Variants in TENM4 observed in about 807,000 individuals in gnomAD.
TENM4 encodes the protein teneurin transmembrane protein 4.
In TENM4, 82 loss-of-function variants were observed where a neutral mutation model predicts 243.3. The ratio of observed to expected loss-of-function variants is 0.34; its 90% CI spans 0.28 to 0.40. The LOEUF is 0.40. Among genes scored for constraint, TENM4 ranks in the 10% least tolerant of loss-of-function variants. The probability of loss-of-function intolerance (pLI) is 1.00; values close to 1 mark genes in which losing one functional copy is unlikely to be tolerated. For missense variants in TENM4, 3,138 were observed against 3,673.3 expected (o/e 0.85, Z 3.77); for synonymous variants, 1,412 against 1,456.3 (o/e 0.97, Z 0.69).
chr11:78,890,057 G>T (rs1207692961), intron 8 of TENM4, 37 bp from the exon 9 acceptor site: 1 of 1,489,436 alleles, frequency 6.7e-7, no homozygotes, highest in South Asian at 1.3e-5. Context: ...GTCAGGGGCT[G>T]CCCACAGACC....
chr11:79,068,141 C>T (rs1367988135), intron 5 of TENM4: 1 of 152,188 alleles, frequency 6.6e-6, no homozygotes, highest in Non-Finnish European at 1.5e-5. Context: ...TTTCAGAGAC[C>T]ATTTTGTCTC....
chr11:78,685,830 T>G (rs1232057541), intron 29 of TENM4, among the ~76,000 whole-genome samples: 1 of 152,228 alleles, frequency 6.6e-6, no homozygotes, highest in Non-Finnish European at 1.5e-5. Flanking sequence ...GTACCTTCTC[T>G]TGGCAATAAT....
intron 6 of TENM4, 47 bp from the exon 7 acceptor site, chr11:78,903,570 C>T: frequency 6.5e-7 from 1 of 1,538,796 alleles, no homozygotes; most frequent in Non-Finnish European, 8.7e-7. Context: ...TGGTGCTGCC[C>T]CTCGGCTGGA....
rs908027708 is a variant in TENM4 at position 78,670,261 on chromosome 11, G to C, written c.6084C>G (p.Thr2028=). 1.2e-6 allele frequency: 2 copies of C among 1,613,820 alleles called. No individual in the cohort carries two copies. The highest frequency in any genetic ancestry group is 1.7e-6 in the Non-Finnish European group (2 of 1,179,896). The change falls in exon 32 of 34, where the codon ACC becomes ACG. Residue 2028 remains threonine (T), a synonymous_variant. Coordinates refer to ENST00000278550, the MANE Select transcript of TENM4 (RefSeq NM_001098816.3). ...SKLAETLYDT[T]KVSFTYDETA... ...TCTCGTCATAGGTGAAACTGACCTT[G>C]GTGGTGTCATAGAGCGTCTCTGCCA...
chr11:79,180,233 G>A (rs772038499), intron 3 of TENM4, among the ~76,000 whole-genome samples: 2 of 151,548 alleles, frequency 1.3e-5, no homozygotes, highest in South Asian at 2.1e-4. Flanking sequence ...AACCTCCCCC[G>A]TATTTATGAT....
intron 17 of TENM4, among the ~76,000 whole-genome samples, chr11:78,774,375 C>T (rs907768806): frequency 1.3e-5 from 2 of 152,166 alleles, no homozygotes; most frequent in Non-Finnish European, 2.9e-5. Flanking sequence ...TCAAGACAAA[C>T]ACTGGGCTTG....
intron 6 of TENM4, among the ~76,000 whole-genome samples, chr11:79,013,383 C>G (rs1372737583): frequency 6.6e-6 from 1 of 152,214 alleles, no homozygotes; most frequent in African/African-American, 2.4e-5. Flanking sequence ...AGAATTAATC[C>G]CCTTAAGTCT....
At chr11:78,891,132 G>C (rs972194989) in intron 8 of TENM4, 106 bp downstream of exon 8, 3 of 1,016,662 alleles carry the variant, frequency 3.0e-6, no homozygotes, top group Non-Finnish European at 4.4e-6. Flanking sequence ...ATGCCACATG[G>C]ATCACCTCCC....
intron 4 of TENM4, among the ~76,000 whole-genome samples, chr11:79,139,872 G>C (rs1020190540): frequency 5.8e-5 from 8 of 138,520 alleles, no homozygotes; most frequent in African/African-American, 2.2e-4. Context: ...CATTAGTTCT[G>C]TCCCTCTAGA....
At chr11:78,973,365 C>A (rs1475312067) in intron 6 of TENM4, among the ~76,000 whole-genome samples, 2 of 152,212 alleles carry the variant, frequency 1.3e-5, no homozygotes, top group African/African-American at 4.8e-5. Context: ...TTATTCCAGC[C>A]ACTATAGTGG....
chr11:79,322,477 T>C (rs551389650), intron 1 of TENM4, among the ~76,000 whole-genome samples: 1 of 152,268 alleles, frequency 6.6e-6, no homozygotes, highest in African/African-American at 2.4e-5. Context: ...GCTCCTTTAG[T>C]ATAGGATGTG....
intron 12 of TENM4, among the ~76,000 whole-genome samples, chr11:78,842,432 T>A (rs1374060548): frequency 6.6e-6 from 1 of 152,190 alleles, no homozygotes; most frequent in Non-Finnish European, 1.5e-5. Context: ...GGTCTCCCTG[T>A]CTCATTTATA....
At chr11:79,077,868 G>A (rs756388269) in intron 4 of TENM4, among the ~76,000 whole-genome samples, 4 of 152,210 alleles carry the variant, frequency 2.6e-5, no homozygotes, top group Admixed American at 6.5e-5. Context: ...GGTAGGGAGC[G>A]TGCCCTGCAG....
At chr11:79,397,278 C>T (rs190399536) in intron 1 of TENM4, among the ~76,000 whole-genome samples, 323 of 152,266 alleles carry the variant, frequency 2.1e-3, no homozygotes, top group African/African-American at 7.6e-3. Flanking sequence ...AACATAGCCC[C>T]ATAGTTATAG....
chr11:79,141,213 G>A (rs1042993441), intron 4 of TENM4, among the ~76,000 whole-genome samples: 2 of 151,946 alleles, frequency 1.3e-5, no homozygotes, highest in African/African-American at 2.4e-5. Flanking sequence ...TAAATCAGCG[G>A]CTCTTATTTT....
At chr11:79,338,096 A>G (rs899934524) in intron 1 of TENM4, among the ~76,000 whole-genome samples, 1 of 152,262 alleles carries the variant, frequency 6.6e-6, no homozygotes, top group Non-Finnish European at 1.5e-5. Context: ...AGACAGGATC[A>G]TGCCAGCTTG....
At chr11:79,426,211 C>T (rs764420498) in intron 1 of TENM4, among the ~76,000 whole-genome samples, 1 of 152,194 alleles carries the variant, frequency 6.6e-6, no homozygotes, top group Non-Finnish European at 1.5e-5. Flanking sequence ...GTTCAGATGA[C>T]ATCAAAAGAT....
chr11:79,136,935 AG>A (rs1237577465), intron 4 of TENM4, among the ~76,000 whole-genome samples: 3 of 152,154 alleles, frequency 2.0e-5, no homozygotes, highest in Non-Finnish European at 2.9e-5. Flanking sequence ...AATACTTTGC[AG>A]GGCTGGGGCA....
At chr11:78,795,958 C>T (rs533337913) in intron 15 of TENM4, among the ~76,000 whole-genome samples, 35 of 152,214 alleles carry the variant, frequency 2.3e-4, no homozygotes, top group African/African-American at 8.2e-4. Context: ...TTTCAACTTC[C>T]CTCCCTATCA....
Sources: allele counts gnomAD v4.1 joint callset (sites outside exome capture counted in the v4.1 genomes callset), GRCh38; gene constraint gnomAD v4.1.1; transcripts MANE v1.5; gene names NCBI Gene and HGNC (gene_info 2026-07-23, HGNC 2026-07-21).